DCAF11: variants seen among roughly 807,000 people sequenced by gnomAD.
DCAF11 encodes DDB1- and CUL4-associated factor 11.
DCAF11 carries 44 observed loss-of-function variants against 76.1 expected under a neutral mutation model. The observed-to-expected ratio is 0.58, with a 90% confidence interval of 0.45 to 0.74. The LOEUF is 0.74. Ranked by LOEUF, DCAF11 falls within the 30% of genes least tolerant of loss-of-function variation. DCAF11 has a pLI of 0.00. For missense variants in DCAF11, 604 were observed against 709.4 expected, an observed-to-expected ratio of 0.85 and a Z score of 1.69; for synonymous variants, 258 against 255.0, an observed-to-expected ratio of 1.01 and a Z score of -0.11.
rs1352480335 is a variant in DCAF11, at chr14:24,124,128, G to T, written c.*819G>T. The T allele has an allele frequency of 6.6e-6, 1 of 152,222 alleles. No homozygotes were observed. 9.4% of individuals were successfully genotyped at this position (152,222 alleles called of 1,614,324 possible). Reference sequence around the variant, plus strand: ...ACACAGTTCAGCAAAGTCTTCAGATGCGATCCTGTGTAGGAGAAAATACCC... The same window carrying T: ...ACACAGTTCAGCAAAGTCTTCAGATTCGATCCTGTGTAGGAGAAAATACCC... On this transcript the variant is annotated 3_prime_UTR_variant, in exon 15 of 15. Coordinates refer to ENST00000446197, the MANE Select transcript of DCAF11 (RefSeq NM_025230.5).
rs1361726165 is a variant in DCAF11 at position 24,121,769 on chromosome 14, G to A, written c.1399+252G>A. 3 of 425,400 alleles carry A rather than the reference G, an allele frequency of 7.1e-6. No individual in the cohort carries two copies. In the Admixed American group the frequency reaches 1.1e-4, roughly 16 times the overall value. The allele number at this position is 425,400 out of a possible 1,614,324, so 26.4% of individuals were successfully genotyped here. A position where few individuals can be genotyped will look rare whatever the true frequency, so the allele number is the denominator to read the frequency against. On this transcript the variant is annotated intron_variant, in intron 13 of 14. Coordinates refer to ENST00000446197, the MANE Select transcript of DCAF11 (RefSeq NM_025230.5). Reference sequence around the variant, plus strand: ...AAAATATAGTTGGTTCTGTTTTTCAGCCAGTCAAGAAAGAGGTTGCAGATG... The same window carrying A: ...AAAATATAGTTGGTTCTGTTTTTCAACCAGTCAAGAAAGAGGTTGCAGATG...
chr14:24,118,441 A>G lies in DCAF11; in HGVS notation c.631A>G (p.Ser211Gly). 6.2e-7 allele frequency: 1 copy of G among 1,614,186 alleles called. No homozygotes were observed. The highest frequency in any genetic ancestry group is 1.3e-5 in the African/African-American group (1 of 75,026). Residue 211 changes from serine to glycine, a missense_variant, in exon 7 of 15, where the codon AGC (serine) becomes GGC (glycine). Coordinates refer to ENST00000446197, the MANE Select transcript of DCAF11 (RefSeq NM_025230.5). Reference protein sequence around the residue: ...CRYGRFRKFKSIKARDVGWSV... With the variant: ...CRYGRFRKFKGIKARDVGWSV... The stretch of plus-strand genomic sequence containing the variant: ...ATATGGCCGTTTCCGTAAATTCAAG[A>G]GCATCAAGGCCCGCGACGTAGGCTG...
Position 24,118,212 on chromosome 14 carries a change from G to T in DCAF11, c.577+57G>T, listed in dbSNP as rs576815916. 9.5e-6 allele frequency: 15 copies of T among 1,574,242 alleles called. No individual in the cohort carries two copies. The East Asian group carries it at 3.1e-4, about 33-fold the overall frequency. On this transcript the variant is annotated intron_variant, in intron 6 of 14. Transcript: ENST00000446197. ...TCCTGGAACATGGGACATTCCCCCT[G>T]ACTGAGGCTAGAAAGCCACAGACGG...
Position 24,117,880 on chromosome 14 carries a change from GTGTAGAAAAT to G in DCAF11, c.476+157_477-157del, listed in dbSNP as rs1202361252. ...CTTTGAGAGTAAACAAAGTAGAAAA[GTGTAGAAAAT>G]TGTAGAAATTTAGAGGATGGTGGAA... On this transcript the variant is annotated intron_variant, in intron 5 of 14. Coordinates refer to ENST00000446197, the MANE Select transcript of DCAF11 (RefSeq NM_025230.5). The surrounding 1 kb of genome is among the most constrained non-coding windows in gnomAD (Gnocchi z 4.3). 9.8e-7 allele frequency: 1 copy of G among 1,023,194 alleles called. No individual in the cohort carries two copies. Among genetic ancestry groups the G allele is most frequent in the African/African-American group, 1.6e-5 (1 of 62,160 alleles). The allele number at this position is 1,023,194 out of a possible 1,614,324, so 63.4% of individuals were successfully genotyped here. A position where few individuals can be genotyped will look rare whatever the true frequency, so the allele number is the denominator to read the frequency against.
Position 24,120,996 on chromosome 14 carries a change from G to C in DCAF11, c.1246+5G>C. On this transcript the variant is annotated splice_donor_5th_base_variant and intron_variant, in intron 12 of 14. Coordinates refer to ENST00000446197, the MANE Select transcript of DCAF11 (RefSeq NM_025230.5). Reference sequence around the variant, plus strand: ...GGCAGCAAGTGCCCAAAAAAGGTGAGACTGGAAGTACAGGCACAGTGGATT... The same window carrying C: ...GGCAGCAAGTGCCCAAAAAAGGTGACACTGGAAGTACAGGCACAGTGGATT... The C allele has an allele frequency of 6.2e-7, 1 of 1,614,074 alleles. No homozygotes were observed. The highest frequency in any genetic ancestry group is 1.7e-5 in the Admixed American group (1 of 60,026).
At chr14:24,122,363 C>T (rs745806383) in intron 13 of DCAF11, among the ~76,000 whole-genome samples, 4 of 150,534 alleles carry the variant, frequency 2.7e-5, no homozygotes, top group Non-Finnish European at 5.9e-5. Flanking sequence ...GAGGCTGAGG[C>T]AGGAGAATCG....
rs559721021 is a variant in DCAF11 at position 24,114,954 on chromosome 14, C to T, written c.-553C>T. On this transcript the variant is annotated 5_prime_UTR_variant, in exon 1 of 15. Coordinates refer to ENST00000446197, the MANE Select transcript of DCAF11 (RefSeq NM_025230.5). ...GTGGTCTCGCGTGGGGCGGTTACCG[C>T]CGGCTTCAGTGGGAGGTGCTTCTCG... 1.0e-6 allele frequency: 1 copy of T among 986,034 alleles called. No homozygotes were observed. Among genetic ancestry groups the T allele is most frequent in the African/African-American group, 1.7e-5 (1 of 57,384 alleles). 61.1% of individuals were successfully genotyped at this position (986,034 alleles called of 1,614,324 possible).
Position 24,115,054 on chromosome 14 carries a change from C to A in DCAF11, c.-453C>A, listed in dbSNP as rs11848386. 4,451 of 982,844 alleles carry A rather than the reference C, an allele frequency of 4.5e-3. 156 individuals are homozygous for A. In the African/African-American group the frequency reaches 0.073, roughly 16 times the overall value. 60.9% of individuals were successfully genotyped at this position (982,844 alleles called of 1,614,324 possible). On this transcript the variant is annotated 5_prime_UTR_variant, in exon 1 of 15. Transcript: ENST00000446197. ...GAGGCGAGGAAGGAGGGGTGTTAGGCCAAATTCTATTTTCATTGGCTGTCA... is the reference window on the plus strand; with the variant it reads ...GAGGCGAGGAAGGAGGGGTGTTAGGACAAATTCTATTTTCATTGGCTGTCA...
chr14:24,117,640 G>A lies in DCAF11; in HGVS notation c.412-28G>A. On this transcript the variant is annotated intron_variant, in intron 4 of 14. Transcript: ENST00000446197. The surrounding 1 kb of genome is among the most constrained non-coding windows in gnomAD (Gnocchi z 4.3). ...CTGAAGTGGCCCTCTATTTCTGCTA[G>A]CAATATTCCCCAATCCCTTCCATTT... The A allele has an allele frequency of 6.2e-7, 1 of 1,609,100 alleles. No homozygotes were observed. The highest frequency in any genetic ancestry group is 8.5e-7 in the Non-Finnish European group (1 of 1,176,434).
chr14:24,123,284 CTA>C lies in DCAF11; in HGVS notation c.1617_1618del (p.Pro541LeufsTer14). ...GCCCCTGCCCCAGTGCCCCAATCCT[CTA>C]CACCCTTTTCCTCACCCCAGTAGAT... On this transcript the variant is annotated frameshift_variant, in exon 15 of 15. Coordinates refer to ENST00000446197, the MANE Select transcript of DCAF11 (RefSeq NM_025230.5). LOFTEE classifies it high-confidence loss of function. 1 of 1,544,176 alleles carries C rather than the reference CTA, an allele frequency of 6.5e-7. No individual in the cohort carries two copies. Among genetic ancestry groups the C allele is most frequent in the Non-Finnish European group, 8.7e-7 (1 of 1,144,782 alleles).
At chr14:24,120,804 T>G in intron 11 of DCAF11, 34 bp from the exon 12 acceptor site, 1 of 1,610,010 alleles carries the variant, frequency 6.2e-7, no homozygotes, top group Non-Finnish European at 8.5e-7. Flanking sequence ...ATTTGCAAGC[T>G]CTGATGCTTC....
At position 24,123,189 on chromosome 14, in the gene DCAF11, G is replaced by A; in HGVS notation, c.1521G>A (p.Leu507=). The A allele has an allele frequency of 6.2e-7, 1 of 1,609,158 alleles. No individual in the cohort carries two copies. The highest frequency in any genetic ancestry group is 8.5e-7 in the Non-Finnish European group (1 of 1,176,652). Residue 507 remains leucine, a synonymous_variant, in exon 15 of 15, where the codon CTG becomes CTA. Transcript: ENST00000446197. ...CTGCCCTGCAGTGGGACGGGAACCT[G>A]CGTCTGTGGCAGTACCGCCAGGCTG... ...KIVSSSWDGN[L]RLWQYRQAEY...
At chr14:24,118,981 T>G (rs1170969287) in intron 8 of DCAF11, 164 bp from the exon 9 acceptor site, 5 of 1,143,856 alleles carry the variant, frequency 4.4e-6, no homozygotes, top group Non-Finnish European at 6.4e-6. Context: ...AAATAGATGG[T>G]TGCAGGATGA....
At position 24,115,666 on chromosome 14, in the gene DCAF11, G is replaced by A. The variant is rs780039448; in HGVS notation, c.72G>A (p.Gly24=). 6.2e-7 allele frequency: 1 copy of A among 1,613,864 alleles called. No homozygotes were observed. The highest frequency in any genetic ancestry group is 8.5e-7 in the Non-Finnish European group (1 of 1,179,974). ...CCTCCGAGGGCTTGCCCCGAAGAGG[G>A]GCTGGCCTGCGTCGGAGTGAGGAAG... is the stretch of plus-strand genomic sequence containing the variant. ...GDPSEGLPRR[G]AGLRRSEEEE... The change falls in exon 2 of 15, where the codon GGG becomes GGA. Residue 24 remains glycine, a synonymous_variant. Transcript: ENST00000446197.
chr14:24,117,461 G>A lies in DCAF11; in HGVS notation c.411+68G>A, dbSNP rs1025595331. 8.8e-6 allele frequency: 14 copies of A among 1,599,458 alleles called. No individual in the cohort carries two copies. The highest frequency in any genetic ancestry group is 1.3e-5 in the African/African-American group (1 of 74,106). Reference sequence around the variant, plus strand: ...GCAGCCAGAAGCTCTGCCAGCCCCAGAGAAAAAGGAAGTCAACTTTCCAAA... The same window carrying A: ...GCAGCCAGAAGCTCTGCCAGCCCCAAAGAAAAAGGAAGTCAACTTTCCAAA... On this transcript the variant is annotated intron_variant, in intron 4 of 14. Transcript: ENST00000446197. The surrounding 1 kb of genome is among the most constrained non-coding windows in gnomAD (Gnocchi z 4.3).
Position 24,114,812 on chromosome 14 carries a change from G to C in DCAF11, c.-695G>C. On this transcript the variant is annotated 5_prime_UTR_variant, in exon 1 of 15. Transcript: ENST00000446197. ...TGCAGCCCGCCGGCCAGGAAGCCGC[G>C]AGATGCGTGACGAGCGAAGCGCGTG... 2.0e-6 allele frequency: 2 copies of C among 985,972 alleles called. No individual in the cohort carries two copies. The highest frequency in any genetic ancestry group is 4.7e-5 in the South Asian group (1 of 21,300). 61.1% of individuals were successfully genotyped at this position (985,972 alleles called of 1,614,324 possible).
At position 24,121,417 on chromosome 14, in the gene DCAF11, C is replaced by T. The variant is rs138347528; in HGVS notation, c.1299C>T (p.Gly433=). 367 of 1,614,204 alleles carry T rather than the reference C, an allele frequency of 2.3e-4. No individual in the cohort carries two copies. The African/African-American group carries it at 4.3e-3, about 19-fold the overall frequency. ...PGDSSLMTYR[G]HGVLHTLIRC... ...ACAGCTCCTTGATGACCTACCGGGGCCACGGAGTGCTGCACACCCTCATCC... is the reference window on the plus strand; with the variant it reads ...ACAGCTCCTTGATGACCTACCGGGGTCACGGAGTGCTGCACACCCTCATCC... Residue 433 remains glycine, a synonymous_variant, in exon 13 of 15, where the codon GGC becomes GGT. Transcript: ENST00000446197.
intron 11 of DCAF11, 145 bp from the exon 12 acceptor site, chr14:24,120,693 G>A (rs1057262029): frequency 4.8e-6 from 5 of 1,042,144 alleles, no homozygotes; most frequent in Middle Eastern, 3.1e-4. Context: ...GAGGCAGAAC[G>A]CTGGAAATGA....
In DCAF11 at chr14:24,118,041, C is replaced by T. The variant is rs538753994; in HGVS notation, c.477-14C>T. On this transcript the variant is annotated splice_polypyrimidine_tract_variant and intron_variant, in intron 5 of 14. Coordinates refer to ENST00000446197, the MANE Select transcript of DCAF11 (RefSeq NM_025230.5). ...TGAGCACCCCTCACCCTCACTTTCT[C>T]TCTCCTTCCCTAGCTTCTTGCCCAA... 4 of 1,590,818 alleles carry T rather than the reference C, an allele frequency of 2.5e-6. No individual in the cohort carries two copies. The African/African-American group carries it at 5.4e-5, about 22-fold the overall frequency.
Sources: gnomAD v4.1 joint callset for allele counts (sites outside exome capture counted in the v4.1 genomes callset) on GRCh38, gnomAD v4.1.1 for gene constraint, Gnocchi (gnomAD v3.1) non-coding constraint, MANE v1.5 for transcripts, NCBI Gene and HGNC (gene_info 2026-07-23, HGNC 2026-07-21) for gene names.